Variants in AMOTL1 observed in about 807,000 individuals in gnomAD.
The protein encoded by AMOTL1 is angiomotin-like protein 1.
AMOTL1 carries 45 observed loss-of-function variants against 102.9 expected under a neutral mutation model. That is an observed-to-expected ratio of 0.44 (90% confidence interval 0.34 to 0.56). AMOTL1 has a LOEUF of 0.56. Ranked by LOEUF, AMOTL1 falls within the 20% of genes least tolerant of loss-of-function variation. The pLI is 0.01. For missense variants in AMOTL1, 1,114 were observed against 1,225.6 expected (o/e 0.91, Z 1.36); for synonymous variants, 481 against 484.7 (o/e 0.99, Z 0.10).
chr11:94,729,081 T>G (rs1277614383), intron 2 of AMOTL1: 1 of 1,280,488 alleles, frequency 7.8e-7, no homozygotes, highest in East Asian at 5.6e-5. Flanking sequence ...ATGTCCCTGA[T>G]AGCATGGTAC....
At chr11:94,756,905 C>T (rs1950732654) in intron 3 of AMOTL1, among the ~76,000 whole-genome samples, 1 of 152,118 alleles carries the variant, frequency 6.6e-6, no homozygotes, top group African/African-American at 2.4e-5. Flanking sequence ...TTTCAACTCC[C>T]CTGCCTGAGT....
At chr11:94,752,377 G>A (rs562339426) in intron 3 of AMOTL1, among the ~76,000 whole-genome samples, 5 of 152,112 alleles carry the variant, frequency 3.3e-5, no homozygotes, top group African/African-American at 1.2e-4. Flanking sequence ...AATGGAATAG[G>A]TCAGATTATA....
chr11:94,728,932 C>T lies in AMOTL1; in HGVS notation c.-39C>T, dbSNP rs1490938499. 9 of 1,244,558 alleles carry T rather than the reference C, an allele frequency of 7.2e-6. No individual in the cohort carries two copies. The East Asian group carries it at 4.5e-4, about 63-fold the overall frequency. 77.1% of individuals were successfully genotyped at this position (1,244,558 alleles called of 1,614,324 possible). ...ATTATTTATTTCAGGAGATTGCTTC[C>T]ATTTGATCTGAAAGCTATACATACA... On this transcript the variant is annotated 5_prime_UTR_variant, in exon 2 of 5. Transcript: ENST00000299004.
intron 1 of AMOTL1, among the ~76,000 whole-genome samples, chr11:94,770,681 T>C (rs912560571): frequency 4.6e-5 from 7 of 152,226 alleles, no homozygotes; most frequent in Non-Finnish European, 1.5e-5. Flanking sequence ...ATACTAATTT[T>C]CCAAAGGGCA....
Position 94,731,584 on chromosome 11 carries a change from A to G in AMOTL1, c.85+2529A>G, listed in dbSNP as rs572952579. On this transcript the variant is annotated intron_variant, in intron 2 of 4. Coordinates refer to the AMOTL1 transcript ENST00000299004. ...GGACGAATTATAGAAAAATATTTTA[A>G]CCATTTATTAGATATATAATATTGC... Among the ~76,000 whole-genome samples the G allele has an allele frequency of 9.4e-4, 143 of 152,284 alleles. 1 individual carries two copies. Among genetic ancestry groups the G allele is most frequent in the Admixed American group, 2.7e-3 (42 of 15,300 alleles).
chr11:94,777,149 T>C (rs1374712656), intron 1 of AMOTL1, among the ~76,000 whole-genome samples: 8 of 152,186 alleles, frequency 5.3e-5, no homozygotes, highest in Admixed American at 5.2e-4. Flanking sequence ...TTAAGACACC[T>C]GGGAAAGTAA....
chr11:94,850,933 T>C (rs1158227984), intron 7 of AMOTL1, among the ~76,000 whole-genome samples: 2 of 152,160 alleles, frequency 1.3e-5, no homozygotes, highest in African/African-American at 4.8e-5. Flanking sequence ...TGTTGTTGAA[T>C]TTAAAAAAAC....
At chr11:94,839,922 A>G (rs538714794) in intron 6 of AMOTL1, among the ~76,000 whole-genome samples, 1 of 152,364 alleles carries the variant, frequency 6.6e-6, no homozygotes, top group African/African-American at 2.4e-5. Context: ...AGATCTTCTC[A>G]AGTGAGTTCC....
At chr11:94,856,245 C>T (rs1952660815) in intron 8 of AMOTL1, among the ~76,000 whole-genome samples, 1 of 151,966 alleles carries the variant, frequency 6.6e-6, no homozygotes, top group South Asian at 2.1e-4. Flanking sequence ...GTTTAGGATG[C>T]TCAATCTTAT....
In AMOTL1 at chr11:94,799,743, A is replaced by G. The variant is rs1951435303; in HGVS notation, c.553A>G (p.Asn185Asp). 2 of 1,612,156 alleles carry G rather than the reference A, an allele frequency of 1.2e-6. No homozygotes were observed. ...QVRSTQPQQN[N>D]EELPTYEEAK... ...CCGGTCCACGCAGCCTCAGCAGAAC[A>G]ACGAGGAACTGCCCACTTACGAGGA... The change falls in exon 3 of 13, where the codon AAC (asparagine) becomes GAC (aspartate). Residue 185 changes from asparagine (N) to aspartate (D), a missense_variant. Transcript: ENST00000433060. This position sits in a 1 kb window ranked among gnomAD's most constrained non-coding sequence, Gnocchi z 4.5.
chr11:94,787,399 G>A (rs971288317), intron 1 of AMOTL1, among the ~76,000 whole-genome samples: 2 of 152,046 alleles, frequency 1.3e-5, no homozygotes, highest in African/African-American at 4.8e-5. Context: ...ATAATTCCAG[G>A]CAGATAGTGC....
chr11:94,759,054 A>G (rs1350383655), intron 3 of AMOTL1, among the ~76,000 whole-genome samples: 1 of 152,252 alleles, frequency 6.6e-6, no homozygotes, highest in East Asian at 1.9e-4. Flanking sequence ...GATCATATCA[A>G]TTAGACATTT....
intron 2 of AMOTL1, among the ~76,000 whole-genome samples, chr11:94,736,294 C>A (rs1950438201): frequency 6.6e-6 from 1 of 152,206 alleles, no homozygotes; most frequent in African/African-American, 2.4e-5. Flanking sequence ...CTCTGTCACC[C>A]AGGCTGGAGT....
At chr11:94,806,753 A>G (rs1014466841) in intron 3 of AMOTL1, among the ~76,000 whole-genome samples, 6 of 152,322 alleles carry the variant, frequency 3.9e-5, no homozygotes, top group African/African-American at 1.4e-4. Context: ...AATGTATTAA[A>G]TGAGTGACTT....
chr11:94,839,010 G>A (rs562978448), intron 6 of AMOTL1, among the ~76,000 whole-genome samples: 47 of 152,150 alleles, frequency 3.1e-4, no homozygotes, highest in Admixed American at 5.9e-4. Context: ...GTGAAATGAG[G>A]TCTGCAGATC....
At chr11:94,838,008 T>C (rs1952218895) in intron 6 of AMOTL1, among the ~76,000 whole-genome samples, 1 of 152,204 alleles carries the variant, frequency 6.6e-6, no homozygotes, top group African/African-American at 2.4e-5. Flanking sequence ...AGGAAATCCA[T>C]GTTCAGGCCT....
At chr11:94,790,792 C>T (rs567053194) in intron 1 of AMOTL1, among the ~76,000 whole-genome samples, 2 of 152,246 alleles carry the variant, frequency 1.3e-5, no homozygotes, top group South Asian at 4.1e-4. Flanking sequence ...GGGTTTAAAC[C>T]TCATGGAGAC....
chr11:94,737,584 T>C (rs1950454685), intron 2 of AMOTL1, among the ~76,000 whole-genome samples: 1 of 152,214 alleles, frequency 6.6e-6, no homozygotes, highest in South Asian at 2.1e-4. Context: ...TACTAGCTAG[T>C]ATTGGAACAG....
At chr11:94,779,585 C>A (rs1195999916) in intron 1 of AMOTL1, among the ~76,000 whole-genome samples, 2 of 152,032 alleles carry the variant, frequency 1.3e-5, no homozygotes, top group Non-Finnish European at 2.9e-5. Context: ...CTTGAAAGCC[C>A]TATTTTCGTA....
Sources: allele counts gnomAD v4.1 joint callset (sites outside exome capture counted in the v4.1 genomes callset), GRCh38; gene constraint gnomAD v4.1.1; non-coding constraint Gnocchi (gnomAD v3.1); transcripts MANE v1.5; gene names NCBI Gene and HGNC (gene_info 2026-07-23, HGNC 2026-07-21).